FDFT1: variants seen among roughly 807,000 people sequenced by gnomAD.
The protein encoded by FDFT1 is squalene synthase.
FDFT1 carries 68 observed loss-of-function variants against 46.8 expected under a neutral mutation model. The ratio of observed to expected loss-of-function variants is 1.45; its 90% CI spans 1.19 to 1.78. The LOEUF is 1.78. Ranked by LOEUF, FDFT1 falls within the 40% of genes most tolerant of loss-of-function variation. The pLI, the probability that FDFT1 is intolerant of heterozygous loss-of-function variation, is 0.00. For missense variants in FDFT1, 928 were observed against 524.4 expected (o/e 1.77, Z -7.52); for synonymous variants, 351 against 185.1 (o/e 1.90, Z -7.28).
chr8:11,827,766 G>C (rs1383718392), intron 5 of FDFT1, among the ~76,000 whole-genome samples: 1 of 152,060 alleles, frequency 6.6e-6, no homozygotes, highest in African/African-American at 2.4e-5. Flanking sequence ...CTGGGGGCTG[G>C]GCAAGGTGGC....
At chr8:11,799,372 G>A (rs1472440335), upstream of FDFT1, among the ~76,000 whole-genome samples, 3 of 152,234 alleles carry the variant, frequency 2.0e-5, no homozygotes, top group South Asian at 4.1e-4. Context: ...CAAGGCCAGC[G>A]TTTAGCTGCT....
At chr8:11,806,607 C>G (rs551134161) in intron 1 of FDFT1, among the ~76,000 whole-genome samples, 9 of 152,170 alleles carry the variant, frequency 5.9e-5, no homozygotes, top group African/African-American at 2.2e-4. Flanking sequence ...GATTGAAACT[C>G]CTGGCTTAAC....
rs374886414 is a variant in FDFT1 at position 11,826,317 on chromosome 8, C to A, written c.702+102C>A. 4.9e-5 allele frequency: 40 copies of A among 821,600 alleles called. No homozygotes were observed. In the African/African-American group the frequency reaches 5.9e-4, roughly 12 times the overall value. 50.9% of individuals were successfully genotyped at this position (821,600 alleles called of 1,614,324 possible). On this transcript the variant is annotated intron_variant, in intron 5 of 7. Transcript: ENST00000220584. ...GGTGACAGAAAAACAAGTCAGGCCTCCCCCAGGCAGCATAAGGGGATGTGG... is the reference window on the plus strand; with the variant it reads ...GGTGACAGAAAAACAAGTCAGGCCTACCCCAGGCAGCATAAGGGGATGTGG...
At chr8:11,801,842 C>T (rs773994283), upstream of FDFT1, 19 of 408,236 alleles carry the variant, frequency 4.7e-5, no homozygotes, top group Non-Finnish European at 9.1e-5. Flanking sequence ...TACAGGCGCC[C>T]ACCACCACAC....
intron 7 of FDFT1, among the ~76,000 whole-genome samples, chr8:11,832,702 G>C (rs897058090): frequency 6.6e-6 from 1 of 151,888 alleles, no homozygotes; most frequent in Non-Finnish European, 1.5e-5. Context: ...AGACATTTTT[G>C]ATTGTCCTAA....
At chr8:11,796,159 A>G (rs1805543350) in intron 1 of FDFT1, 1 of 152,266 alleles carries the variant, frequency 6.6e-6, no homozygotes, top group African/African-American at 2.4e-5. Flanking sequence ...TTGGCAATAC[A>G]AGGCTAAACA....
At chr8:11,832,576 A>AAAAAAAAT (rs139242873) in intron 7 of FDFT1, among the ~76,000 whole-genome samples, 5 of 134,846 alleles carry the variant, frequency 3.7e-5, no homozygotes, top group Admixed American at 7.6e-5. Context: ...AAAAAAAAAA[A>AAAAAAAAT]GTCTTAGAGA....
chr8:11,819,854 G>A (rs1293716373), intron 3 of FDFT1, among the ~76,000 whole-genome samples: 3 of 152,020 alleles, frequency 2.0e-5, no homozygotes, highest in Non-Finnish European at 4.4e-5. Flanking sequence ...CTGTCAACTC[G>A]TTAAACTCAT....
upstream of FDFT1, among the ~76,000 whole-genome samples, chr8:11,800,352 T>C (rs1162565849): frequency 7.0e-6 from 1 of 143,166 alleles, no homozygotes. Context: ...AAGGGTACAC[T>C]CGCCAGCAGT....
At chr8:11,798,639 A>C (rs1486297575), upstream of FDFT1, among the ~76,000 whole-genome samples, 2 of 152,230 alleles carry the variant, frequency 1.3e-5, no homozygotes, top group Admixed American at 6.5e-5. Context: ...AAGCAGATTT[A>C]ATGGAAGAGA....
At chr8:11,800,098 A>G (rs1363770569), upstream of FDFT1, among the ~76,000 whole-genome samples, 2 of 150,652 alleles carry the variant, frequency 1.3e-5, no homozygotes, top group African/African-American at 2.4e-5. Flanking sequence ...TGTCTCTACT[A>G]AAAATCGAAA....
intron 3 of FDFT1, among the ~76,000 whole-genome samples, chr8:11,812,252 C>G (rs1807818721): frequency 6.6e-6 from 1 of 152,224 alleles, no homozygotes; most frequent in African/African-American, 2.4e-5. Flanking sequence ...GCCCCAAATC[C>G]CTGAGCCCAC....
At chr8:11,813,219 A>C (rs982033750) in intron 3 of FDFT1, among the ~76,000 whole-genome samples, 8 of 152,236 alleles carry the variant, frequency 5.3e-5, no homozygotes, top group African/African-American at 1.9e-4. Context: ...TATACAGTAC[A>C]TGAGCACGTA....
chr8:11,812,210 C>G (rs1807810998), intron 3 of FDFT1, among the ~76,000 whole-genome samples: 1 of 152,228 alleles, frequency 6.6e-6, no homozygotes, highest in Non-Finnish European at 1.5e-5. Context: ...GGCTCTCCTT[C>G]TGTACCACGT....
rs199605209 is a variant in FDFT1, at chr8:11,802,803, C to A, written c.-30C>A. 6.4e-7 allele frequency: 1 copy of A among 1,567,974 alleles called. No homozygotes were observed. The highest frequency in any genetic ancestry group is 8.7e-7 in the Non-Finnish European group (1 of 1,147,824). ...GCCTGGGGACCGCAGAGGTGAGAGT[C>A]GCGCCCGGGAGTCCGCCGCCTGCGC... is the stretch of plus-strand genomic sequence containing the variant. On this transcript the variant is annotated 5_prime_UTR_variant, in exon 1 of 8. Transcript: ENST00000220584.
rs1300276570 is a variant in FDFT1 at position 11,809,522 on chromosome 8, A to C, written c.198-145A>C. ...AAGGAAAACTAATGTAACTTTCGTT[A>C]AGTATGAAAAGCGTTGGATATCCTT... On this transcript the variant is annotated intron_variant, in intron 2 of 7. Transcript: ENST00000220584. The C allele has an allele frequency of 2.3e-6, 3 of 1,302,994 alleles. No individual in the cohort carries two copies. The African/African-American group carries it at 4.5e-5, about 19-fold the overall frequency. 80.7% of individuals were successfully genotyped at this position (1,302,994 alleles called of 1,614,324 possible). A position where few individuals can be genotyped will look rare whatever the true frequency, so the allele number is the denominator to read the frequency against.
At chr8:11,807,354 G>A (rs546293091) in intron 1 of FDFT1, among the ~76,000 whole-genome samples, 1 of 151,906 alleles carries the variant, frequency 6.6e-6, no homozygotes, top group East Asian at 1.9e-4. Flanking sequence ...ATGAACACGA[G>A]GTCTCACTAT....
intron 3 of FDFT1, among the ~76,000 whole-genome samples, chr8:11,820,503 A>G (rs1809081194): frequency 6.6e-6 from 1 of 152,168 alleles, no homozygotes; most frequent in Non-Finnish European, 1.5e-5. Context: ...GGTGGGCTCC[A>G]CCCAGTTCAA....
chr8:11,803,240 G>A (rs1452901516), intron 1 of FDFT1: 2 of 1,381,310 alleles, frequency 1.4e-6, no homozygotes, highest in Admixed American at 2.2e-5. Context: ...TTTAACCCGA[G>A]GGTTACACAT....
Sources: allele counts gnomAD v4.1 joint callset (sites outside exome capture counted in the v4.1 genomes callset), GRCh38; gene constraint gnomAD v4.1.1; transcripts MANE v1.5; gene names NCBI Gene and HGNC (gene_info 2026-07-23, HGNC 2026-07-21).